Variants in ITFG1 observed in about 807,000 individuals in gnomAD.
ITFG1 encodes integrin alpha FG-GAP repeat containing 1.
ITFG1 carries 34 observed loss-of-function variants against 81.8 expected under a neutral mutation model. That is an observed-to-expected ratio of 0.42 (90% CI 0.32 to 0.55). ITFG1 has a LOEUF of 0.55. Ranked by LOEUF, ITFG1 falls within the 20% of genes least tolerant of loss-of-function variation. The probability of loss-of-function intolerance (pLI) is 0.17; values close to 1 mark genes in which losing one functional copy is unlikely to be tolerated. For synonymous variants in ITFG1, 285 were observed against 270.6 expected (o/e 1.05, Z -0.52); for missense variants, 672 against 755.4 (o/e 0.89, Z 1.29).
intron 6 of ITFG1, among the ~76,000 whole-genome samples, chr16:47,410,778 T>C (rs1020737460): frequency 3.3e-5 from 5 of 152,144 alleles, no homozygotes; most frequent in African/African-American, 9.7e-5. Context: ...GCAATCTACC[T>C]GGAGAGTAGG....
chr16:47,352,110 A>G (rs1262402266), intron 8 of ITFG1, among the ~76,000 whole-genome samples: 3 of 152,218 alleles, frequency 2.0e-5, no homozygotes, highest in South Asian at 2.1e-4. Flanking sequence ...AAAACCCTAG[A>G]AAAAACCTAG....
At chr16:47,185,647 C>G (rs1965200919) in intron 14 of ITFG1, among the ~76,000 whole-genome samples, 2 of 152,066 alleles carry the variant, frequency 1.3e-5, no homozygotes, top group Non-Finnish European at 2.9e-5. Context: ...TAAATGCCCA[C>G]AAGAGAGCAG....
intron 14 of ITFG1, among the ~76,000 whole-genome samples, chr16:47,211,100 G>T (rs1337290220): frequency 6.6e-6 from 1 of 152,120 alleles, no homozygotes; most frequent in Non-Finnish European, 1.5e-5. Flanking sequence ...TGTTAAACCT[G>T]CAAGGCAATT....
chr16:47,299,023 G>T (rs971379384), intron 10 of ITFG1, among the ~76,000 whole-genome samples: 3 of 152,130 alleles, frequency 2.0e-5, no homozygotes, highest in Non-Finnish European at 4.4e-5. Flanking sequence ...CCTGAGAGGG[G>T]TGGTGGGGGA....
At chr16:47,305,078 G>A (rs1009054040) in intron 10 of ITFG1, among the ~76,000 whole-genome samples, 3 of 151,994 alleles carry the variant, frequency 2.0e-5, no homozygotes, top group Non-Finnish European at 2.9e-5. Context: ...ATGGACATAT[G>A]GAAAATGATG....
intron 14 of ITFG1, among the ~76,000 whole-genome samples, chr16:47,180,313 G>A (rs896865601): frequency 2.0e-5 from 3 of 152,046 alleles, no homozygotes; most frequent in African/African-American, 4.8e-5. Flanking sequence ...TTGAACAAAC[G>A]TGTAGGGAAC....
intron 6 of ITFG1, among the ~76,000 whole-genome samples, chr16:47,413,383 A>G (rs974678414): frequency 7.9e-5 from 12 of 152,210 alleles, no homozygotes; most frequent in African/African-American, 2.9e-4. Context: ...AAATGAAAGA[A>G]TAAGACCTGC....
chr16:47,310,136 T>A (rs1175159263), intron 10 of ITFG1, among the ~76,000 whole-genome samples: 1 of 152,216 alleles, frequency 6.6e-6, no homozygotes, highest in Non-Finnish European at 1.5e-5. Context: ...AGAGACATTA[T>A]AATTTCAAAC....
intron 6 of ITFG1, among the ~76,000 whole-genome samples, chr16:47,405,329 T>C (rs779004742): frequency 3.3e-5 from 5 of 152,212 alleles, no homozygotes; most frequent in Non-Finnish European, 7.3e-5. Flanking sequence ...AAAGTGAGCA[T>C]GTACTAGTCC....
rs556617547 is a variant in ITFG1 at position 47,244,551 on chromosome 16, T to C, written c.1331-6543A>G. 4.6e-5 allele frequency among the ~76,000 whole-genome samples: 7 copies of C among 152,062 alleles called. No homozygotes were observed. The South Asian group carries it at 8.3e-4, about 18-fold the overall frequency. ...GACGAAACAAAGTTTGGTTTTGTCC[T>C]GTCTCTTATGTTATGCATAATTGCA... On this transcript the variant is annotated intron_variant, in intron 12 of 17. Transcript: ENST00000320640.
chr16:47,214,824 A>G (rs1965605287), intron 14 of ITFG1, among the ~76,000 whole-genome samples: 1 of 151,602 alleles, frequency 6.6e-6, no homozygotes, highest in South Asian at 2.1e-4. Context: ...ATATTAATTT[A>G]TGTTGTTGTT....
At chr16:47,450,324 A>G in intron 5 of ITFG1, 1 of 179,344 alleles carries the variant, frequency 5.6e-6, no homozygotes, top group South Asian at 8.0e-5. Context: ...ACTAGCATCA[A>G]AGCACCCATA....
intron 10 of ITFG1, among the ~76,000 whole-genome samples, chr16:47,301,261 T>C (rs1255430226): frequency 1.3e-5 from 2 of 152,200 alleles, no homozygotes; most frequent in Non-Finnish European, 2.9e-5. Flanking sequence ...GACTAAAAAC[T>C]AGAGAAAATG....
intron 12 of ITFG1, among the ~76,000 whole-genome samples, chr16:47,244,889 C>T (rs1567434089): frequency 6.6e-6 from 1 of 151,938 alleles, no homozygotes; most frequent in Non-Finnish European, 1.5e-5. Flanking sequence ...ACCTAGAAAC[C>T]AGGAGATGAG....
At chr16:47,437,572 T>C (rs1274794125) in intron 5 of ITFG1, among the ~76,000 whole-genome samples, 3 of 151,828 alleles carry the variant, frequency 2.0e-5, no homozygotes, top group Non-Finnish European at 4.4e-5. Context: ...AGAAAAGTTG[T>C]GGATGAAAAA....
At chr16:47,162,834 T>G in intron 14 of ITFG1, 170 bp from the exon 15 acceptor site, 1 of 553,620 alleles carries the variant, frequency 1.8e-6, no homozygotes, top group Non-Finnish European at 3.0e-6. Context: ...TTTTCTTTTT[T>G]TGAGACATGG....
intron 8 of ITFG1, among the ~76,000 whole-genome samples, chr16:47,332,551 A>G (rs1420468928): frequency 6.6e-6 from 1 of 152,240 alleles, no homozygotes; most frequent in African/African-American, 2.4e-5. Context: ...TAATCAGTCA[A>G]CAGAATATAA....
At chr16:47,386,753 T>A (rs1391754583) in intron 6 of ITFG1, among the ~76,000 whole-genome samples, 1 of 152,212 alleles carries the variant, frequency 6.6e-6, no homozygotes, top group African/African-American at 2.4e-5. Context: ...TCTGGAGCCA[T>A]GCTCAGGGAT....
intron 6 of ITFG1, among the ~76,000 whole-genome samples, chr16:47,388,341 A>C (rs766834368): frequency 3.3e-5 from 5 of 152,220 alleles, no homozygotes; most frequent in African/African-American, 1.2e-4. Flanking sequence ...TTCACATCTA[A>C]GAAGCTCAAT....
Sources: allele counts gnomAD v4.1 joint callset (sites outside exome capture counted in the v4.1 genomes callset), GRCh38; gene constraint gnomAD v4.1.1; transcripts MANE v1.5; gene names NCBI Gene and HGNC (gene_info 2026-07-23, HGNC 2026-07-21).